Variants in SPECC1 observed in about 807,000 individuals in gnomAD.
SPECC1 encodes the protein sperm antigen with calponin homology and coiled-coil domains 1, also known as cytospin-B.
In SPECC1, 62 loss-of-function variants were observed where a neutral mutation model predicts 104.1. The observed-to-expected ratio is 0.60, with a 90% CI of 0.49 to 0.74. The LOEUF is 0.74. Ranked by LOEUF, SPECC1 falls within the 30% of genes least tolerant of loss-of-function variation. The pLI is 0.00. For synonymous variants in SPECC1, 513 were observed against 501.6 expected, an observed-to-expected ratio of 1.02 and a Z score of -0.30; for missense variants, 1,306 against 1,310.5, an observed-to-expected ratio of 1.00 and a Z score of 0.05.
intron 3 of SPECC1, among the ~76,000 whole-genome samples, chr17:20,176,305 T>C (rs931453785): frequency 6.6e-6 from 1 of 152,232 alleles, no homozygotes; most frequent in African/African-American, 2.4e-5. Context: ...TCTCTTTTTC[T>C]TTTGTCTTCT....
Position 20,205,080 on chromosome 17 carries a change from C to G in SPECC1, c.1031C>G (p.Ser344Cys), listed in dbSNP as rs2151350914. ...GCAGAGACACCCTCAAGGCCCCTGT[C>G]CTCCACCAGTAACCCCTTTAAGAGT... ...ITAETPSRPL[S>C]STSNPFKSSK... The change falls in exon 4 of 15, where the codon TCC becomes TGC. Residue 344 changes from serine (S) to cysteine (C), a missense_variant. Ser to Cys is a moderately radical substitution (Grantham distance 112). Coordinates refer to ENST00000395527, the MANE Select transcript of SPECC1 (RefSeq NM_001243439.2). The G allele has an allele frequency of 6.2e-7, 1 of 1,614,194 alleles. No homozygotes were observed. The highest frequency in any genetic ancestry group is 2.2e-5 in the East Asian group (1 of 44,888).
In SPECC1 at chr17:20,110,487, G is replaced by A. The variant is rs1051110020; in HGVS notation, c.208G>A (p.Val70Met). The change falls in exon 3 of 15, where the codon GTG (valine) becomes ATG (methionine). Residue 70 changes from valine (V) to methionine (M), a missense_variant. Physicochemically the swap from Val to Met is conservative, Grantham distance 21 (BLOSUM62 1). Coordinates refer to ENST00000395527, the MANE Select transcript of SPECC1 (RefSeq NM_001243439.2). ...NKPGSTAASG[V>M]VRLKKTATAG... Reference sequence around the variant, plus strand: ...GCCAGGAAGTACCGCTGCATCGGGGGTGGTTCGCCTGAAGAAGACCGCCAC... The same window carrying A: ...GCCAGGAAGTACCGCTGCATCGGGGATGGTTCGCCTGAAGAAGACCGCCAC... The A allele has an allele frequency of 4.3e-6, 7 of 1,614,032 alleles. No individual in the cohort carries two copies. Among genetic ancestry groups the A allele is most frequent in the South Asian group, 1.1e-5 (1 of 91,074 alleles).
At chr17:20,020,264 A>G (rs2044320300) in intron 1 of SPECC1, among the ~76,000 whole-genome samples, 1 of 152,092 alleles carries the variant, frequency 6.6e-6, no homozygotes, top group African/African-American at 2.4e-5. Context: ...TAGATTGTCA[A>G]ATCATCTTTT....
chr17:20,202,553 T>G (rs1297327069), intron 3 of SPECC1, among the ~76,000 whole-genome samples: 1 of 152,236 alleles, frequency 6.6e-6, no homozygotes, highest in Non-Finnish European at 1.5e-5. Flanking sequence ...CTTATGGTAT[T>G]GATAAATACA....
intron 1 of SPECC1, among the ~76,000 whole-genome samples, chr17:20,092,207 C>A (rs1234172406): frequency 6.6e-6 from 1 of 151,456 alleles, no homozygotes; most frequent in African/African-American, 2.4e-5. Context: ...GAACGACATC[C>A]CCCACCCCAC....
At chr17:20,128,196 T>C (rs1222647403) in intron 3 of SPECC1, among the ~76,000 whole-genome samples, 1 of 152,182 alleles carries the variant, frequency 6.6e-6, no homozygotes, top group African/African-American at 2.4e-5. Flanking sequence ...GACTGACTCA[T>C]GGGTGCAGTG....
At chr17:20,127,410 C>T (rs2049366375) in intron 3 of SPECC1, among the ~76,000 whole-genome samples, 1 of 149,084 alleles carries the variant, frequency 6.7e-6, no homozygotes, top group Non-Finnish European at 1.5e-5. Context: ...AGGGATACTA[C>T]TGGAGAATGT....
At chr17:20,141,897 C>T (rs892606977) in intron 3 of SPECC1, among the ~76,000 whole-genome samples, 2 of 152,154 alleles carry the variant, frequency 1.3e-5, no homozygotes, top group African/African-American at 4.8e-5. Context: ...ACTCATTCTC[C>T]CCATGTTCAA....
At chr17:20,209,884 T>G (rs2037021837) in intron 4 of SPECC1, among the ~76,000 whole-genome samples, 1 of 152,264 alleles carries the variant, frequency 6.6e-6, no homozygotes, top group African/African-American at 2.4e-5. Flanking sequence ...CTAGAAGTTT[T>G]AAAAGAAAAT....
intron 1 of SPECC1, among the ~76,000 whole-genome samples, chr17:20,014,978 C>T (rs1389394847): frequency 1.3e-5 from 2 of 152,186 alleles, no homozygotes; most frequent in Non-Finnish European, 2.9e-5. Context: ...TGATCTCAAA[C>T]TCCTGACCTC....
chr17:20,250,582 A>G (rs374130009), intron 9 of SPECC1, among the ~76,000 whole-genome samples: 46 of 152,366 alleles, frequency 3.0e-4, no homozygotes, highest in African/African-American at 9.6e-4. Flanking sequence ...GAAAATCTCA[A>G]TCACCTATAA....
rs1302338763 is a variant in SPECC1, at chr17:20,317,996, A to G, written c.*3931A>G. 1 of 228,516 alleles carries G rather than the reference A, an allele frequency of 4.4e-6. No individual in the cohort carries two copies. Among genetic ancestry groups the G allele is most frequent in the Non-Finnish European group, 8.7e-6 (1 of 115,270 alleles). The allele number at this position is 228,516 out of a possible 1,614,324, so 14.2% of individuals were successfully genotyped here. ...AGGTGAAGGTGGAAAGTTGGCAGGA[A>G]AACAAGGTCAGCATCTTATTTTTTC... On this transcript the variant is annotated 3_prime_UTR_variant, in exon 15 of 15. Coordinates refer to ENST00000395527, the MANE Select transcript of SPECC1 (RefSeq NM_001243439.2).
chr17:20,166,650 A>G (rs920977138), intron 3 of SPECC1, among the ~76,000 whole-genome samples: 1 of 152,218 alleles, frequency 6.6e-6, no homozygotes, highest in Non-Finnish European at 1.5e-5. Flanking sequence ...AAGAAACAAC[A>G]AAAGAAATCT....
intron 1 of SPECC1, chr17:20,096,119 T>A (rs1324793738): frequency 6.6e-6 from 1 of 152,366 alleles, no homozygotes; most frequent in Non-Finnish European, 1.5e-5. Context: ...CCAATTAAAA[T>A]ATGCTTCATT....
At position 20,112,628 on chromosome 17, in the gene SPECC1, C is replaced by T. The variant is rs1004821607; in HGVS notation, c.283+2066C>T. 17 of 887,280 alleles carry T rather than the reference C, an allele frequency of 1.9e-5. No individual in the cohort carries two copies. In the East Asian group the frequency reaches 3.4e-4, roughly 18 times the overall value. The allele number at this position is 887,280 out of a possible 1,614,324, so 55.0% of individuals were successfully genotyped here. A position where few individuals can be genotyped will look rare whatever the true frequency, so the allele number is the denominator to read the frequency against. ...ACAAGCTGATCTCTCTGGATCAGTG[C>T]TTGACTGTGCAAATCTTCAGGGAGT... On this transcript the variant is annotated intron_variant, in intron 3 of 14. Transcript: ENST00000395527.
At chr17:20,096,922 C>T (rs1230373710) in intron 2 of SPECC1, 124 bp downstream of exon 2, 45 of 1,225,220 alleles carry the variant, frequency 3.7e-5, no homozygotes, top group Non-Finnish European at 4.9e-5. Context: ...AAGGAGGGGT[C>T]GCAGGAGGAC....
intron 3 of SPECC1, among the ~76,000 whole-genome samples, chr17:20,166,121 G>A (rs570605150): frequency 6.6e-6 from 1 of 152,150 alleles, no homozygotes; most frequent in Admixed American, 6.5e-5. Context: ...ACCACAGAGT[G>A]TCTTAAATGA....
chr17:20,251,241 A>AAAAAAAAAAAAACAAAAAAAAAAAT (rs1555638898), intron 9 of SPECC1, among the ~76,000 whole-genome samples: 1 of 149,880 alleles, frequency 6.7e-6, no homozygotes, highest in Non-Finnish European at 1.5e-5. Context: ...AAAAAAAAAA[A>AAAAAAAAAAAAACAAAAAAAAAAAT]GCATATGGTC....
chr17:20,181,912 G>C (rs1447291630), intron 3 of SPECC1, among the ~76,000 whole-genome samples: 2 of 151,982 alleles, frequency 1.3e-5, no homozygotes. Flanking sequence ...AGGGTGGGTA[G>C]ATATAATGTT....
Sources: allele counts gnomAD v4.1 joint callset (sites outside exome capture counted in the v4.1 genomes callset), GRCh38; gene constraint gnomAD v4.1.1; transcripts MANE v1.5; gene names NCBI Gene and HGNC (gene_info 2026-07-23, HGNC 2026-07-21).